MALRD1: variants seen among roughly 807,000 people sequenced by gnomAD.
The protein encoded by MALRD1 is MAM and LDL-receptor class A domain-containing protein 1.
A neutral mutation model predicts 242.1 loss-of-function variants in MALRD1; 247 were observed. The observed-to-expected ratio is 1.02, with a 90% CI of 0.92 to 1.13. The LOEUF is 1.13. MALRD1 is among the 50% of genes most tolerant of loss of function. MALRD1 has a pLI of 0.00. For synonymous variants in MALRD1, 995 were observed against 866.6 expected (o/e 1.15, Z -2.60); for missense variants, 2,989 against 2,533.1 (o/e 1.18, Z -3.86).
intron 33 of MALRD1, among the ~76,000 whole-genome samples, chr10:19,578,430 G>A (rs946756653): frequency 2.0e-5 from 3 of 152,202 alleles, no homozygotes; most frequent in Admixed American, 1.3e-4. Context: ...AGTGGCTCAT[G>A]CCTGTAATTC....
chr10:19,720,303 G>C (rs1209520099), intron 38 of MALRD1, among the ~76,000 whole-genome samples: 1 of 152,082 alleles, frequency 6.6e-6, no homozygotes, highest in East Asian at 1.9e-4. Flanking sequence ...GTTTCAGCCT[G>C]GTGTTTGAAA....
chr10:19,528,775 G>A (rs893524409), intron 31 of MALRD1, among the ~76,000 whole-genome samples: 6 of 152,034 alleles, frequency 3.9e-5, no homozygotes, highest in African/African-American at 7.2e-5. Context: ...TCCTATCATC[G>A]TAGAAGGAAA....
intron 36 of MALRD1, among the ~76,000 whole-genome samples, chr10:19,638,102 A>T (rs1337893935): frequency 6.6e-5 from 3 of 45,376 alleles, no homozygotes; most frequent in African/African-American, 3.5e-4. Flanking sequence ...ACTCACTCTC[A>T]AAAAAAAAAA....
chr10:19,384,546 ATATT>A (rs1373322293), intron 26 of MALRD1, among the ~76,000 whole-genome samples: 7 of 121,354 alleles, frequency 5.8e-5, no homozygotes, highest in Non-Finnish European at 1.1e-4. Flanking sequence ...TATTTACTAT[ATATT>A]ATATATTATA....
intron 13 of MALRD1, among the ~76,000 whole-genome samples, chr10:19,173,590 G>A (rs1469641683): frequency 6.6e-6 from 1 of 152,034 alleles, no homozygotes; most frequent in African/African-American, 2.4e-5. Flanking sequence ...TGATTAATTT[G>A]TTGTTCTCTT....
intron 1 of MALRD1, among the ~76,000 whole-genome samples, chr10:19,055,416 T>C (rs4748546): frequency 0.5 from 76,630 of 151,982 alleles, 19,539 homozygotes; most frequent in Middle Eastern, 0.59. Flanking sequence ...GCGGTCCTAT[T>C]TGTATATTTT....
At chr10:19,303,354 G>A (rs1842032257) in intron 21 of MALRD1, among the ~76,000 whole-genome samples, 1 of 151,574 alleles carries the variant, frequency 6.6e-6, no homozygotes, top group East Asian at 1.9e-4. Flanking sequence ...TACCAAGTTT[G>A]GGTATCTCTT....
intron 26 of MALRD1, among the ~76,000 whole-genome samples, chr10:19,371,487 GTTT>G (rs535341249): frequency 0.042 from 6,189 of 148,004 alleles, 207 homozygotes; most frequent in African/African-American, 0.095. Context: ...GTTTTGTTTT[GTTT>G]TGTTTTTTGT....
intron 21 of MALRD1, among the ~76,000 whole-genome samples, chr10:19,287,597 G>T (rs1454402001): frequency 6.6e-6 from 1 of 151,896 alleles, no homozygotes; most frequent in African/African-American, 2.4e-5. Context: ...CTCAATATCA[G>T]TTGCAAAATC....
At chr10:19,078,078 G>A (rs11592473) in intron 2 of MALRD1, among the ~76,000 whole-genome samples, 26,002 of 151,550 alleles carry the variant, frequency 0.17, 2,798 homozygotes, top group Non-Finnish European at 0.24. Context: ...ATAGTAAATC[G>A]TTAATAAACG....
At chr10:19,446,516 ATCTG>A (rs1834991353) in intron 28 of MALRD1, among the ~76,000 whole-genome samples, 1 of 152,296 alleles carries the variant, frequency 6.6e-6, no homozygotes, top group South Asian at 2.1e-4. Flanking sequence ...TTCCAAGGAG[ATCTG>A]TCTATTAATA....
intron 31 of MALRD1, among the ~76,000 whole-genome samples, chr10:19,517,263 C>A (rs1300749185): frequency 6.6e-6 from 1 of 152,288 alleles, no homozygotes; most frequent in South Asian, 2.1e-4. Flanking sequence ...TAAGTACTTT[C>A]TCCAGTAGGG....
Position 19,256,444 on chromosome 10 carries a change from G to A in MALRD1, c.2992-1240G>A, listed in dbSNP as rs1353347631. Among the ~76,000 whole-genome samples, 3 of 152,022 alleles carry A rather than the reference G, an allele frequency of 2.0e-5. No individual in the cohort carries two copies. In the East Asian group the frequency reaches 5.8e-4, roughly 29 times the overall value. On this transcript the variant is annotated intron_variant, in intron 18 of 39. Coordinates refer to ENST00000454679, the MANE Select transcript of MALRD1 (RefSeq NM_001142308.3). ...CATTTTTGTTTTCTCTGCCTATAAT[G>A]CCTTTCACTCATGATGGTGGTGGGA...
At chr10:19,724,578 C>T (rs550554743) in intron 38 of MALRD1, among the ~76,000 whole-genome samples, 1 of 152,216 alleles carries the variant, frequency 6.6e-6, no homozygotes, top group African/African-American at 2.4e-5. Flanking sequence ...AAGATGTTCA[C>T]TTTAAGTGGC....
chr10:19,468,931 CCTCTT>C (rs1564368737), intron 29 of MALRD1, among the ~76,000 whole-genome samples: 1 of 152,022 alleles, frequency 6.6e-6, no homozygotes, highest in Non-Finnish European at 1.5e-5. Flanking sequence ...TTCTCTCCCT[CCTCTT>C]AATTTTTTTA....
chr10:19,612,782 CA>C (rs1838960070), intron 35 of MALRD1, among the ~76,000 whole-genome samples: 1 of 151,776 alleles, frequency 6.6e-6, no homozygotes, highest in African/African-American at 2.4e-5. Context: ...TAAACACTTT[CA>C]AAAAACCAGA....
intron 2 of MALRD1, among the ~76,000 whole-genome samples, chr10:19,074,421 T>C (rs1038579962): frequency 7.2e-5 from 11 of 152,120 alleles, no homozygotes; most frequent in Admixed American, 2.0e-4. Context: ...AGGTCCTTGA[T>C]GTCTGTGTGT....
At position 19,450,249 on chromosome 10, in the gene MALRD1, CTG is replaced by C. The variant is rs1835244972; in HGVS notation, c.4846-57_4846-56del. ...ATAAATAACTGGGTTTTGCCCCACA[CTG>C]CATCATCTTCTTTTGTGTTTGATTA... On this transcript the variant is annotated intron_variant, in intron 28 of 39. Transcript: ENST00000454679. 1.3e-5 allele frequency: 18 copies of C among 1,437,232 alleles called. No homozygotes were observed. In the South Asian group the frequency reaches 2.3e-4, roughly 18 times the overall value. The allele number at this position is 1,437,232 out of a possible 1,614,324, so 89.0% of individuals were successfully genotyped here. A position where few individuals can be genotyped will look rare whatever the true frequency, so the allele number is the denominator to read the frequency against.
chr10:19,069,831 G>A (rs916348299), intron 2 of MALRD1, among the ~76,000 whole-genome samples: 1 of 151,434 alleles, frequency 6.6e-6, no homozygotes, highest in Non-Finnish European at 1.5e-5. Context: ...ATTTCAGCAC[G>A]AACATTTTAA....
Sources: gnomAD v4.1 joint callset for allele counts (sites outside exome capture counted in the v4.1 genomes callset) on GRCh38, gnomAD v4.1.1 for gene constraint, MANE v1.5 for transcripts, NCBI Gene and HGNC (gene_info 2026-07-23, HGNC 2026-07-21) for gene names.